CEP250: variants seen among roughly 807,000 people sequenced by gnomAD.
The protein encoded by CEP250 is centrosomal protein 250.
Under a neutral mutation model 315.7 loss-of-function variants are expected in CEP250, and 242 were observed. The observed-to-expected ratio is 0.77, with a 90% CI of 0.69 to 0.85. CEP250 has a LOEUF of 0.85. Ranked by LOEUF, CEP250 falls within the 40% of genes least tolerant of loss-of-function variation. CEP250 has a pLI of 0.00. For missense variants in CEP250, 2,515 were observed against 2,886.4 expected, an observed-to-expected ratio of 0.87 and a Z score of 2.95; for synonymous variants, 1,088 against 1,175.0, an observed-to-expected ratio of 0.93 and a Z score of 1.51.
Position 35,472,781 on chromosome 20 carries a change from G to A in CEP250, c.1159G>A (p.Ala387Thr). The A allele has an allele frequency of 6.2e-7, 1 of 1,614,190 alleles. No individual in the cohort carries two copies. The highest frequency in any genetic ancestry group is 8.5e-7 in the Non-Finnish European group (1 of 1,180,036). ...SQFDYQDADK[A>T]LTLVRSVLTR... The stretch of plus-strand genomic sequence containing the variant: ...GTTTGATTACCAGGATGCAGACAAG[G>A]CTCTTACTCTGGTGCGTTCAGTGCT... Residue 387 changes from alanine to threonine, a missense_variant, in exon 12 of 35, where the codon GCT (alanine) becomes ACT (threonine). By Grantham distance (58) the Ala-to-Thr change is moderately conservative (BLOSUM62 0). Transcript: ENST00000397527.
chr20:35,498,540 G>T, intron 26 of CEP250, 55 bp from the exon 27 acceptor site: 1 of 1,596,656 alleles, frequency 6.3e-7, no homozygotes, highest in South Asian at 1.1e-5. Context: ...GGAGAGGTCT[G>T]GCTGTTTCTT....
At chr20:35,493,255 A>T (rs1426411266) in intron 22 of CEP250, among the ~76,000 whole-genome samples, 174 bp from the exon 23 acceptor site, 1 of 152,026 alleles carries the variant, frequency 6.6e-6, no homozygotes, top group East Asian at 1.9e-4. Context: ...TGACCAAGAA[A>T]CCTGGGTGAG....
At chr20:35,490,862 C>T in intron 21 of CEP250, 58 bp downstream of exon 21, 1 of 1,576,302 alleles carries the variant, frequency 6.3e-7, no homozygotes, top group South Asian at 1.1e-5. Context: ...TTACCTTGAC[C>T]ACTTCCTTTT....
chr20:35,489,406 G>T (rs1467562739), intron 20 of CEP250, among the ~76,000 whole-genome samples: 1 of 152,254 alleles, frequency 6.6e-6, no homozygotes, highest in African/African-American at 2.4e-5. Context: ...GCTGGCTGTT[G>T]TGTATTGCCC....
At chr20:35,496,801 TG>T in intron 25 of CEP250, 86 bp downstream of exon 25, 9 of 1,379,424 alleles carry the variant, frequency 6.5e-6, no homozygotes, top group South Asian at 2.8e-5. Context: ...AGTCCTCTCA[TG>T]GAGAGGACCC....
At chr20:35,480,590 C>CTTTTTT (rs559422487) in intron 20 of CEP250, among the ~76,000 whole-genome samples, 1 of 122,164 alleles carries the variant, frequency 8.2e-6, no homozygotes, top group Admixed American at 8.8e-5. Context: ...TTTTTTATAT[C>CTTTTTT]TTTTTTTTTT....
intron 10 of CEP250, among the ~76,000 whole-genome samples, chr20:35,471,109 C>CT (rs201099608): frequency 1.6e-4 from 25 of 151,592 alleles, no homozygotes; most frequent in East Asian, 7.7e-4. Context: ...CTGATTCCCT[C>CT]TTTTTTTTTC....
chr20:35,474,699 G>A, intron 14 of CEP250: 2 of 443,468 alleles, frequency 4.5e-6, no homozygotes, highest in Non-Finnish European at 9.4e-6. Flanking sequence ...CACAGAAAAA[G>A]CAAGGACTTT....
Position 35,467,481 on chromosome 20 carries a change from A to G in CEP250, c.777A>G (p.Glu259=), listed in dbSNP as rs370716775. Residue 259 remains glutamate (E), a synonymous_variant, in exon 9 of 35, where the codon GAA becomes GAG. Transcript: ENST00000397527. Reference sequence around the variant, plus strand: ...CCAAGACCCAGGAGCTGGAGAAGGAAGCCCATGAAAGGAGCCAGGAGTTAA... The same window carrying G: ...CCAAGACCCAGGAGCTGGAGAAGGAGGCCCATGAAAGGAGCCAGGAGTTAA... ...LLAKTQELEK[E]AHERSQELIQ... is the part of the protein sequence containing the mutation. 46 of 1,614,040 alleles carry G rather than the reference A, an allele frequency of 2.8e-5. No individual in the cohort carries two copies. The East Asian group carries it at 4.9e-4, about 17-fold the overall frequency.
At chr20:35,465,464 A>G (rs192985346) in intron 5 of CEP250, among the ~76,000 whole-genome samples, 5 of 152,022 alleles carry the variant, frequency 3.3e-5, no homozygotes, top group Admixed American at 3.3e-4. Context: ...GTCACTTCCC[A>G]AGGTCAAACC....
In CEP250 at chr20:35,516,948, C is replaced by T; in HGVS notation, c.*5322C>T. The T allele has an allele frequency of 1.0e-6, 1 of 981,798 alleles. No homozygotes were observed. The highest frequency in any genetic ancestry group is 1.2e-6 in the Non-Finnish European group (1 of 826,628). 60.8% of individuals were successfully genotyped at this position (981,798 alleles called of 1,614,324 possible). A position where few individuals can be genotyped will look rare whatever the true frequency, so the allele number is the denominator to read the frequency against. On this transcript the variant is annotated 3_prime_UTR_variant, in exon 35 of 35. Coordinates refer to ENST00000397527, the MANE Select transcript of CEP250 (RefSeq NM_007186.6). ...AGCCACAGGTGAGCATAAGCTCAAA[C>T]CCCCCCATTGAAGGCTACATTCTTG...
chr20:35,494,660 A>C lies in CEP250; in HGVS notation c.3167+3A>C. On this transcript the variant is annotated splice_donor_region_variant and intron_variant, in intron 24 of 34. Coordinates refer to ENST00000397527, the MANE Select transcript of CEP250 (RefSeq NM_007186.6). The stretch of plus-strand genomic sequence containing the variant: ...GAGCTGGAGAGAGAGAAAGCCAGGT[A>C]GGCTAGATAGGCCATGGAGGTGGCT... 1 of 1,613,982 alleles carries C rather than the reference A, an allele frequency of 6.2e-7. No homozygotes were observed. Among genetic ancestry groups the C allele is most frequent in the Non-Finnish European group, 8.5e-7 (1 of 1,179,948 alleles).
chr20:35,511,488 C>T lies in CEP250; in HGVS notation c.7191C>T (p.Ala2397=), dbSNP rs150287277. The change falls in exon 35 of 35, where the codon GCC becomes GCT. Residue 2397 remains alanine (A), a synonymous_variant. Coordinates refer to ENST00000397527, the MANE Select transcript of CEP250 (RefSeq NM_007186.6). ...LHHSLSHSLL[A]VAQAPEATVL... The stretch of plus-strand genomic sequence containing the variant: ...ACAGCCTCTCACACTCACTTCTTGC[C>T]GTGGCCCAGGCCCCTGAGGCCACTG... 4.6e-5 allele frequency: 74 copies of T among 1,614,062 alleles called. No individual in the cohort carries two copies. The highest frequency in any genetic ancestry group is 3.3e-4 in the African/African-American group (25 of 74,934).
At chr20:35,510,408 G>A (rs929690796) in intron 34 of CEP250, among the ~76,000 whole-genome samples, 1 of 152,138 alleles carries the variant, frequency 6.6e-6, no homozygotes, top group Admixed American at 6.5e-5. Flanking sequence ...GCCCCAGACA[G>A]AGGAGCCAGG....
intron 20 of CEP250, among the ~76,000 whole-genome samples, chr20:35,489,136 C>T (rs1391176144): frequency 6.7e-6 from 1 of 150,054 alleles, no homozygotes; most frequent in African/African-American, 2.5e-5. Context: ...TGCAGTGAGC[C>T]GAGATCACCC....
At chr20:35,468,177 G>T (rs2062938365) in intron 9 of CEP250, among the ~76,000 whole-genome samples, 1 of 152,062 alleles carries the variant, frequency 6.6e-6, no homozygotes, top group Non-Finnish European at 1.5e-5. Context: ...TCAAACTCCT[G>T]ACCTCAAGTG....
chr20:35,476,440 G>T lies in CEP250; in HGVS notation c.1717-9G>T, dbSNP rs1404942481. 1.9e-6 allele frequency: 3 copies of T among 1,605,914 alleles called. No individual in the cohort carries two copies. The highest frequency in any genetic ancestry group is 1.7e-5 in the Admixed American group (1 of 58,730). On this transcript the variant is annotated splice_polypyrimidine_tract_variant and intron_variant, in intron 15 of 34. Coordinates refer to ENST00000397527, the MANE Select transcript of CEP250 (RefSeq NM_007186.6). Reference sequence around the variant, plus strand: ...AATATGAAACTCTTTAATCCTTTTTGTTTTTTAGGCAGAGCAGTCAATTGC... The same window carrying T: ...AATATGAAACTCTTTAATCCTTTTTTTTTTTTAGGCAGAGCAGTCAATTGC...
rs762607625 is a variant in CEP250 at position 35,504,742 on chromosome 20, T to C, written c.6373T>C (p.Leu2125=). ...ETQQRNNLEA[L]PHSHKTSPME... is the part of the protein sequence containing the mutation. ...CCAGCAAAGGAACAACCTGGAAGCC[T>C]TACCCCACAGCCACAAAACCTCCCC... The change falls in exon 30 of 35, where the codon TTA becomes CTA. Residue 2125 remains leucine (L), a synonymous_variant. Coordinates refer to ENST00000397527, the MANE Select transcript of CEP250 (RefSeq NM_007186.6). The C allele has an allele frequency of 6.2e-6, 10 of 1,614,030 alleles. No homozygotes were observed. In the African/African-American group the frequency reaches 1.3e-4, roughly 22 times the overall value.
chr20:35,503,999 T>C lies in CEP250; in HGVS notation c.5630T>C (p.Val1877Ala), dbSNP rs781479758. Reference protein sequence around the residue: ...QARRLEEELAVEGRRVQALEE... With the variant: ...QARRLEEELAAEGRRVQALEE... ...CGAAGGCTGGAGGAAGAGCTGGCAG[T>C]GGAGGGACGGCGGGTCCAGGCCCTG... Residue 1877 changes from valine to alanine, a missense_variant, in exon 30 of 35, where the codon GTG becomes GCG. By Grantham distance (64) the Val-to-Ala change is moderately conservative. Coordinates refer to ENST00000397527, the MANE Select transcript of CEP250 (RefSeq NM_007186.6). The surrounding 1 kb of genome is among the most constrained non-coding windows in gnomAD (Gnocchi z 4.2). 1.9e-6 allele frequency: 3 copies of C among 1,609,330 alleles called. No individual in the cohort carries two copies. The highest frequency in any genetic ancestry group is 8.5e-7 in the Non-Finnish European group (1 of 1,177,250).
Sources: allele counts gnomAD v4.1 joint callset (sites outside exome capture counted in the v4.1 genomes callset), GRCh38; gene constraint gnomAD v4.1.1; non-coding constraint Gnocchi (gnomAD v3.1); transcripts MANE v1.5; gene names NCBI Gene and HGNC (gene_info 2026-07-23, HGNC 2026-07-21).